Variants in ANKRD11 observed in about 807,000 individuals in gnomAD.
ANKRD11 encodes ankyrin repeat domain-containing protein 11.
ANKRD11 carries 17 observed loss-of-function variants against 195.7 expected under a neutral mutation model. The ratio of observed to expected loss-of-function variants is 0.09; its 90% CI spans 0.06 to 0.13. The LOEUF is 0.13. Among genes scored for constraint, ANKRD11 ranks in the 10% least tolerant of loss-of-function variants. ANKRD11 has a pLI of 1.00. For missense variants in ANKRD11, 3,735 were observed against 3,566.1 expected (o/e 1.05, Z -1.21); for synonymous variants, 1,953 against 1,528.1 (o/e 1.28, Z -6.49).
intron 2 of ANKRD11, among the ~76,000 whole-genome samples, chr16:89,389,410 T>G (rs1342039919): frequency 3.3e-5 from 5 of 151,252 alleles, no homozygotes; most frequent in Admixed American, 6.6e-5. Flanking sequence ...GAAAATATGA[T>G]TACATAGGAG....
At chr16:89,342,862 C>T (rs2038756294) in intron 2 of ANKRD11, among the ~76,000 whole-genome samples, 1 of 152,074 alleles carries the variant, frequency 6.6e-6, no homozygotes, top group Non-Finnish European at 1.5e-5. Flanking sequence ...CGTTTATGCC[C>T]AACTGGCAAA....
At chr16:89,307,849 G>C (rs2151886635) in intron 3 of ANKRD11, among the ~76,000 whole-genome samples, 1 of 152,356 alleles carries the variant, frequency 6.6e-6, no homozygotes, top group African/African-American at 2.4e-5. Flanking sequence ...CCAGGGGGTG[G>C]GTTCCACCAG....
intron 2 of ANKRD11, among the ~76,000 whole-genome samples, chr16:89,367,680 CAGCAACAGCTGCAG>C (rs1233538131): frequency 6.6e-6 from 1 of 152,220 alleles, no homozygotes; most frequent in African/African-American, 2.4e-5. Context: ...AGGCTCCAAG[CAGCAACAGCTGCAG>C]GTTTTTTGCA....
intron 1 of ANKRD11, among the ~76,000 whole-genome samples, chr16:89,447,804 CTT>C (rs753581064): frequency 1.8e-4 from 25 of 135,210 alleles, no homozygotes; most frequent in South Asian, 2.4e-4. Flanking sequence ...ATAACTTTTT[CTT>C]TTTTTTTTTT....
rs2056977142 is a variant in ANKRD11, at chr16:89,468,979, GAT to G, written c.-145+21264_-145+21265del. ...ACTATAAAATTCAATGTCCATTCCT[GAT>G]ACTTAGCAAACTTGTAATAGAAGGG... On this transcript the variant is annotated intron_variant, in intron 1 of 12. Transcript: ENST00000301030. 5.9e-5 allele frequency among the ~76,000 whole-genome samples: 9 copies of G among 152,298 alleles called. No homozygotes were observed. In the South Asian group the frequency reaches 1.9e-3, roughly 32 times the overall value.
In ANKRD11 at chr16:89,284,288, A is replaced by G; in HGVS notation, c.2254T>C (p.Ser752Pro). ...AGTCTCAGTTTTTCTTCTTTCGGAG[A>G]CTTTTCCTTCAGCGATCTCTCCTTT... is the stretch of plus-strand genomic sequence containing the variant. The part of the protein sequence containing the change: ...AEKERSLKEK[S>P]PKEEKLRLYK... Residue 752 changes from serine to proline, a missense_variant, in exon 9 of 13, where the codon TCT becomes CCT. Physicochemically the swap from Ser to Pro is moderately conservative, Grantham distance 74. Coordinates refer to ENST00000301030, the MANE Select transcript of ANKRD11 (RefSeq NM_013275.6). The G allele has an allele frequency of 6.2e-7, 1 of 1,611,950 alleles. No homozygotes were observed. Among genetic ancestry groups the G allele is most frequent in the Non-Finnish European group, 8.5e-7 (1 of 1,179,562 alleles).
In ANKRD11 at chr16:89,274,941, G is replaced by A; in HGVS notation, c.7586C>T (p.Ser2529Phe). The A allele has an allele frequency of 6.2e-7, 1 of 1,613,476 alleles. No individual in the cohort carries two copies. The highest frequency in any genetic ancestry group is 8.5e-7 in the Non-Finnish European group (1 of 1,180,032). Residue 2529 changes from serine to phenylalanine, a missense_variant, in exon 11 of 13, where the codon TCC becomes TTC. Coordinates refer to ENST00000301030, the MANE Select transcript of ANKRD11 (RefSeq NM_013275.6). ...AACCCGCAGAATCTCCTGCTCACAG[G>A]ATACGATCAGCTTCTCCTGAAGGAG... ...HSIEREKLIV[S>F]CEQEILRVHC...
At position 89,397,590 on chromosome 16, in the gene ANKRD11, A is replaced by G. The variant is rs1289435650; in HGVS notation, c.-60+20694T>C. On this transcript the variant is annotated intron_variant, in intron 2 of 12. Coordinates refer to ENST00000301030, the MANE Select transcript of ANKRD11 (RefSeq NM_013275.6). ...CCCTGGCTGCAGGACAAAGGTGTGC[A>G]TGGCAAGGGGCCCACCTGCCTCAGG... 2.0e-5 allele frequency among the ~76,000 whole-genome samples: 3 copies of G among 152,236 alleles called. No individual in the cohort carries two copies. In the East Asian group the frequency reaches 5.8e-4, roughly 29 times the overall value.
intron 4 of ANKRD11, among the ~76,000 whole-genome samples, chr16:89,303,717 C>A (rs1341320320): frequency 1.3e-5 from 2 of 152,202 alleles, no homozygotes; most frequent in Non-Finnish European, 1.5e-5. Context: ...CCCTGGAGCA[C>A]CCCACATAGG....
intron 2 of ANKRD11, among the ~76,000 whole-genome samples, chr16:89,345,625 A>C (rs2038904783): frequency 6.6e-6 from 1 of 152,260 alleles, no homozygotes; most frequent in Non-Finnish European, 1.5e-5. Context: ...TAAGGGAAAA[A>C]AGTAAATGGA....
In ANKRD11 at chr16:89,432,434, G is replaced by C. The variant is rs143660694; in HGVS notation, c.-144-14066C>G. Among the ~76,000 whole-genome samples the C allele has an allele frequency of 3.8e-3, 574 of 152,186 alleles. 2 individuals are homozygous for C. The highest frequency in any genetic ancestry group is 0.013 in the African/African-American group (555 of 41,530). ...CCCGTGGCATGCACTGTGTTGAGGG[G>C]TGCTGTCTGGCTGCCTCCCCAGCCT... On this transcript the variant is annotated intron_variant, in intron 1 of 12. Transcript: ENST00000301030.
rs140986030 is a variant in ANKRD11, at chr16:89,426,092, T to G, written c.-144-7724A>C. ...CCAACTATGGAAGGCAGGAGAACCT[T>G]CAGTCCTCAGAGGAGGCATCCGACT... On this transcript the variant is annotated intron_variant, in intron 1 of 12. Transcript: ENST00000301030. 2.0e-5 allele frequency among the ~76,000 whole-genome samples: 3 copies of G among 152,208 alleles called. No individual in the cohort carries two copies. The East Asian group carries it at 5.8e-4, about 29-fold the overall frequency.
At chr16:89,468,005 T>C (rs547518502) in intron 1 of ANKRD11, among the ~76,000 whole-genome samples, 1 of 152,242 alleles carries the variant, frequency 6.6e-6, no homozygotes, top group South Asian at 2.1e-4. Flanking sequence ...GGTTTGGTTA[T>C]GTTGGCCAGG....
chr16:89,287,116 G>T, intron 7 of ANKRD11: 1 of 1,289,658 alleles, frequency 7.8e-7, no homozygotes, highest in Non-Finnish European at 1.0e-6. Context: ...CATGGGGGCT[G>T]CTGGCAGAAT....
rs2034286491 is a variant in ANKRD11 at position 89,281,959 on chromosome 16, G to A, written c.4583C>T (p.Ala1528Val). ...GTCCTTGAATTTCTCCTTCAGTTTG[G>A]CATCGCCGAGCCTCGGGCCCTCGTC... ...SRDEGPRLGD[A>V]KLKEKFKDGA... The change falls in exon 9 of 13, where the codon GCC becomes GTC. Residue 1528 changes from alanine (A) to valine (V), a missense_variant. Transcript: ENST00000301030. This position sits in a 1 kb window ranked among gnomAD's most constrained non-coding sequence, Gnocchi z 5.5. 2 of 1,612,420 alleles carry A rather than the reference G, an allele frequency of 1.2e-6. No individual in the cohort carries two copies. The highest frequency in any genetic ancestry group is 1.1e-5 in the South Asian group (1 of 91,066).
chr16:89,355,207 G>A (rs2039413295), intron 2 of ANKRD11, among the ~76,000 whole-genome samples: 1 of 152,086 alleles, frequency 6.6e-6, no homozygotes, highest in Admixed American at 6.6e-5. Flanking sequence ...ATGCTCGGGA[G>A]GCGGGCAGAG....
chr16:89,403,348 G>A (rs1204693405), intron 2 of ANKRD11, among the ~76,000 whole-genome samples: 6 of 152,098 alleles, frequency 3.9e-5, no homozygotes, highest in Admixed American at 2.0e-4. Context: ...CCCCAGCACC[G>A]CGTGGAAGAA....
intron 4 of ANKRD11, chr16:89,301,312 T>C: frequency 5.2e-6 from 2 of 381,950 alleles, no homozygotes; most frequent in Non-Finnish European, 4.6e-6. Context: ...TATAAAAAAG[T>C]AGACAAAGTA....
At chr16:89,441,881 AGCC>A in intron 1 of ANKRD11, among the ~76,000 whole-genome samples, 1 of 151,496 alleles carries the variant, frequency 6.6e-6, no homozygotes, top group Non-Finnish European at 1.5e-5. Context: ...GCAAGGTGGC[AGCC>A]GACTATGGCA....
Sources: allele counts gnomAD v4.1 joint callset (sites outside exome capture counted in the v4.1 genomes callset), GRCh38; gene constraint gnomAD v4.1.1; non-coding constraint Gnocchi (gnomAD v3.1); transcripts MANE v1.5; gene names NCBI Gene and HGNC (gene_info 2026-07-23, HGNC 2026-07-21).